Variants in SOX5 observed in about 807,000 individuals in gnomAD.
The protein encoded by SOX5 is transcription factor SOX-5.
In SOX5, 9 loss-of-function variants were observed where a neutral mutation model predicts 92.0. The observed-to-expected ratio is 0.10, with a 90% confidence interval of 0.06 to 0.17. The LOEUF is 0.17. Ranked by LOEUF, SOX5 falls within the 10% of genes least tolerant of loss-of-function variation. The pLI, the probability that SOX5 is intolerant of heterozygous loss-of-function variation, is 1.00. For synonymous variants in SOX5, 344 were observed against 336.3 expected (o/e 1.02, Z -0.25); for missense variants, 642 against 944.5 (o/e 0.68, Z 4.20).
At chr12:24,312,051 GC>G (rs1949231117) in intron 2 of SOX5, among the ~76,000 whole-genome samples, 2 of 151,984 alleles carry the variant, frequency 1.3e-5, no homozygotes, top group African/African-American at 4.8e-5. Flanking sequence ...AGAAATTAAG[GC>G]CTTTGGTTTA....
chr12:24,108,912 A>C (rs1374872446), intron 4 of SOX5, among the ~76,000 whole-genome samples: 1 of 152,160 alleles, frequency 6.6e-6, no homozygotes, highest in African/African-American at 2.4e-5. Context: ...TGGGTTCATT[A>C]TATAGTCATC....
At chr12:24,035,103 T>C (rs934279399) in intron 4 of SOX5, among the ~76,000 whole-genome samples, 1 of 152,106 alleles carries the variant, frequency 6.6e-6, no homozygotes, top group Non-Finnish European at 1.5e-5. Flanking sequence ...AAATTATTAG[T>C]GCTCAATAGA....
rs71059953 is a variant in SOX5, at chr12:23,971,121, C to CTTTTTTTTT, written c.-1-75106_-1-75098dup. 8.2e-3 allele frequency among the ~76,000 whole-genome samples: 709 copies of CTTTTTTTTT among 86,096 alleles called. 104 individuals are homozygous for CTTTTTTTTT. Among genetic ancestry groups the CTTTTTTTTT allele is most frequent in the African/African-American group, 0.013 (241 of 18,354 alleles). 56.5% of individuals were successfully genotyped at this position (86,096 alleles called of 152,430 possible). A position where few individuals can be genotyped will look rare whatever the true frequency, so the allele number is the denominator to read the frequency against. The stretch of plus-strand genomic sequence containing the variant: ...CCATCTGAGTAGGTGTGTCAGCTGA[C>CTTTTTTTTT]TTTTTTTTTTTTTTTTTTTGAGAGG... On this transcript the variant is annotated intron_variant, in intron 4 of 4. Transcript: ENST00000446891.
At chr12:23,569,778 T>C (rs1275937405) in intron 10 of SOX5, among the ~76,000 whole-genome samples, 1 of 152,236 alleles carries the variant, frequency 6.6e-6, no homozygotes, top group African/African-American at 2.4e-5. Context: ...TGAGAACTTC[T>C]CTTACATACC....
At chr12:24,472,813 G>A (rs536092514) in intron 1 of SOX5, among the ~76,000 whole-genome samples, 2 of 151,798 alleles carry the variant, frequency 1.3e-5, no homozygotes, top group East Asian at 3.9e-4. Flanking sequence ...TACATATACT[G>A]TATGTTATCT....
chr12:24,541,960 C>T (rs1367366136), intron 1 of SOX5, among the ~76,000 whole-genome samples: 1 of 152,186 alleles, frequency 6.6e-6, no homozygotes, highest in South Asian at 2.1e-4. Context: ...ATAAGGACAA[C>T]ATTTCTTACT....
intron 1 of SOX5, among the ~76,000 whole-genome samples, chr12:23,947,173 C>T (rs1007412349): frequency 6.6e-6 from 1 of 151,824 alleles, no homozygotes; most frequent in African/African-American, 2.4e-5. Flanking sequence ...GAACCCTAAG[C>T]AATTTATTAT....
At chr12:24,319,798 A>G (rs1208009562) in intron 2 of SOX5, among the ~76,000 whole-genome samples, 2 of 152,206 alleles carry the variant, frequency 1.3e-5, no homozygotes, top group African/African-American at 4.8e-5. Flanking sequence ...ATCATCTTGC[A>G]CTATCAAATT....
intron 4 of SOX5, among the ~76,000 whole-genome samples, chr12:23,974,615 C>G (rs1948708112): frequency 6.6e-6 from 1 of 152,148 alleles, no homozygotes; most frequent in African/African-American, 2.4e-5. Flanking sequence ...TTCTTCAGTT[C>G]TCTGAAACCT....
chr12:24,056,568 T>C lies in SOX5; in HGVS notation c.-2+156775A>G, dbSNP rs186292973. Among the ~76,000 whole-genome samples, 221 of 152,324 alleles carry C rather than the reference T, an allele frequency of 1.5e-3. 3 individuals are homozygous for C. The highest frequency in any genetic ancestry group is 6.8e-4 in the Non-Finnish European group (46 of 68,022). ...GTAATATTCAGAAACTTCGATTCAA[T>C]TCAATCCCATGGCTTTGGGGAGGTG... On this transcript the variant is annotated intron_variant, in intron 4 of 4. Coordinates refer to the SOX5 transcript ENST00000446891.
intron 1 of SOX5, among the ~76,000 whole-genome samples, chr12:24,493,219 G>T (rs182430618): frequency 6.6e-6 from 1 of 151,956 alleles, no homozygotes; most frequent in Non-Finnish European, 1.5e-5. Flanking sequence ...TTTCTACTGC[G>T]CAAATTTGAA....
intron 3 of SOX5, among the ~76,000 whole-genome samples, chr12:23,756,034 A>G (rs1299894579): frequency 6.6e-6 from 1 of 151,790 alleles, no homozygotes; most frequent in African/African-American, 2.4e-5. Context: ...GATGCTTGTC[A>G]ATTTCAGGGT....
rs901857854 is a variant in SOX5, at chr12:24,196,403, T to C, written c.-2+16940A>G. Reference sequence around the variant, plus strand: ...AGAATTCCTGTGAATTATCACACCATTGTAATGTATTTTACTGAAATAAAC... The same window carrying C: ...AGAATTCCTGTGAATTATCACACCACTGTAATGTATTTTACTGAAATAAAC... On this transcript the variant is annotated intron_variant, in intron 4 of 4. Transcript: ENST00000446891. Among the ~76,000 whole-genome samples, 5 of 152,228 alleles carry C rather than the reference T, an allele frequency of 3.3e-5. No individual in the cohort carries two copies. In the South Asian group the frequency reaches 1.0e-3, roughly 31 times the overall value.
At position 23,757,041 on chromosome 12, in the gene SOX5, G is replaced by A. The variant is rs2094409241; in HGVS notation, c.482-1317C>T. On this transcript the variant is annotated intron_variant, in intron 3 of 14. Coordinates refer to ENST00000451604, the MANE Select transcript of SOX5 (RefSeq NM_006940.6). ...CTTGGAAAAAAAAAGTAACAATATG[G>A]AACACTTCTGTCTCACATGTCAGAA... 2.0e-5 allele frequency among the ~76,000 whole-genome samples: 3 copies of A among 151,822 alleles called. No homozygotes were observed. The South Asian group carries it at 6.2e-4, about 31-fold the overall frequency.
chr12:23,824,064 C>T (rs906150797), intron 3 of SOX5, among the ~76,000 whole-genome samples: 3 of 152,164 alleles, frequency 2.0e-5, no homozygotes, highest in African/African-American at 7.2e-5. Flanking sequence ...TTAGAACATG[C>T]TCCTTTAGTT....
chr12:24,061,324 A>G (rs4963565), intron 4 of SOX5, among the ~76,000 whole-genome samples: 17,512 of 152,036 alleles, frequency 0.12, 1,119 homozygotes, highest in African/African-American at 0.13. Context: ...CCTTTCTTCC[A>G]AGCTAATCTT....
chr12:23,767,437 T>C (rs2094775458), intron 3 of SOX5, among the ~76,000 whole-genome samples: 1 of 152,120 alleles, frequency 6.6e-6, no homozygotes, highest in Non-Finnish European at 1.5e-5. Context: ...AGCAATTTAA[T>C]GAATCAGAGA....
At chr12:24,230,960 C>T (rs1175575028) in intron 3 of SOX5, among the ~76,000 whole-genome samples, 1 of 152,172 alleles carries the variant, frequency 6.6e-6, no homozygotes. Flanking sequence ...AATAACAAAA[C>T]CTGACTAGTA....
intron 4 of SOX5, among the ~76,000 whole-genome samples, chr12:24,171,881 G>A (rs1278675873): frequency 6.6e-6 from 1 of 152,016 alleles, no homozygotes. Flanking sequence ...TCTGATTGAG[G>A]GGGAAAGTTT....
Sources: allele counts gnomAD v4.1 joint callset (sites outside exome capture counted in the v4.1 genomes callset), GRCh38; gene constraint gnomAD v4.1.1; transcripts MANE v1.5; gene names NCBI Gene and HGNC (gene_info 2026-07-23, HGNC 2026-07-21).